Variants in CSMD1 observed in about 807,000 individuals in gnomAD.
CSMD1 encodes the protein CUB and Sushi multiple domains 1, also known as CUB and sushi domain-containing protein 1.
A neutral mutation model predicts 417.5 loss-of-function variants in CSMD1; 213 were observed. That is an observed-to-expected ratio of 0.51 (90% CI 0.46 to 0.57). The LOEUF is 0.57. CSMD1 is among the 20% of genes least tolerant of loss of function. The probability of loss-of-function intolerance (pLI) is 0.00; values close to 1 mark genes in which losing one functional copy is unlikely to be tolerated. For synonymous variants in CSMD1, 2,862 were observed against 1,736.8 expected, an observed-to-expected ratio of 1.65 and a Z score of -16.11; for missense variants, 6,923 against 4,529.7, an observed-to-expected ratio of 1.53 and a Z score of -15.17.
intron 11 of CSMD1, among the ~76,000 whole-genome samples, chr8:3,485,431 T>A (rs1223706638): frequency 6.6e-6 from 1 of 151,932 alleles, no homozygotes; most frequent in Non-Finnish European, 1.5e-5. Flanking sequence ...AAGGAAAATA[T>A]GAGGGAACTT....
At chr8:3,337,550 G>A (rs570524021) in intron 23 of CSMD1, among the ~76,000 whole-genome samples, 34 of 152,236 alleles carry the variant, frequency 2.2e-4, no homozygotes, top group African/African-American at 7.5e-4. Flanking sequence ...CTCGGTAAGC[G>A]ATGGCCACTC....
intron 7 of CSMD1, among the ~76,000 whole-genome samples, chr8:3,706,492 C>G (rs1291183029): frequency 6.6e-6 from 1 of 152,138 alleles, no homozygotes. Context: ...CCATGCTTGA[C>G]AAATACTTTA....
chr8:4,519,907 T>A (rs997662995), intron 2 of CSMD1, among the ~76,000 whole-genome samples: 1 of 148,464 alleles, frequency 6.7e-6, no homozygotes, highest in African/African-American at 2.5e-5. Context: ...TAATGTATTC[T>A]CTTACATTAT....
chr8:4,931,948 G>T (rs576845805), intron 1 of CSMD1, among the ~76,000 whole-genome samples: 42 of 151,932 alleles, frequency 2.8e-4, no homozygotes, highest in Non-Finnish European at 5.6e-4. Context: ...AAATTCTTGT[G>T]TAACATGTAT....
At chr8:4,782,472 AG>A (rs1302294158) in intron 1 of CSMD1, among the ~76,000 whole-genome samples, 1 of 152,230 alleles carries the variant, frequency 6.6e-6, no homozygotes, top group African/African-American at 2.4e-5. Context: ...TTAGATTTAA[AG>A]AAATCTTATT....
chr8:4,465,345 A>T (rs1232514234), intron 2 of CSMD1, among the ~76,000 whole-genome samples: 1 of 152,146 alleles, frequency 6.6e-6, no homozygotes, highest in East Asian at 1.9e-4. Context: ...CAAAAAGTGT[A>T]CATCAGTACA....
At chr8:4,570,449 G>A (rs375664789) in intron 2 of CSMD1, among the ~76,000 whole-genome samples, 12 of 152,292 alleles carry the variant, frequency 7.9e-5, no homozygotes, top group South Asian at 6.2e-4. Flanking sequence ...ATTGATTTGT[G>A]TATTTTGAGC....
chr8:3,097,819 C>A (rs13253818), intron 46 of CSMD1, among the ~76,000 whole-genome samples: 1 of 152,008 alleles, frequency 6.6e-6, no homozygotes, highest in Non-Finnish European at 1.5e-5. Context: ...TGTGATTGCT[C>A]GGGACCCTGG....
At chr8:4,738,020 G>C (rs1186633090) in intron 1 of CSMD1, among the ~76,000 whole-genome samples, 4 of 152,164 alleles carry the variant, frequency 2.6e-5, no homozygotes, top group Non-Finnish European at 5.9e-5. Flanking sequence ...ATGTAACTTG[G>C]AGAATGAGAG....
chr8:4,745,629 G>C (rs777170019), intron 1 of CSMD1, among the ~76,000 whole-genome samples: 25 of 152,300 alleles, frequency 1.6e-4, no homozygotes, highest in Admixed American at 7.2e-4. Context: ...AATGTAGAGA[G>C]AGAGTAGAGA....
intron 39 of CSMD1, among the ~76,000 whole-genome samples, chr8:3,153,238 C>T (rs567110391): frequency 6.6e-6 from 1 of 152,342 alleles, no homozygotes; most frequent in Non-Finnish European, 1.5e-5. Flanking sequence ...ACGGCAACGT[C>T]AGGAACTTAC....
At chr8:4,396,651 A>ATGTGTGTGTGTGTGTGTGTG (rs1563130031) in intron 3 of CSMD1, among the ~76,000 whole-genome samples, 1 of 151,870 alleles carries the variant, frequency 6.6e-6, no homozygotes, top group African/African-American at 2.4e-5. Flanking sequence ...ATAAATATCT[A>ATGTGTGTGTGTGTGTGTGTG]TATATCTCCC....
At chr8:4,716,217 A>G (rs563062962) in intron 1 of CSMD1, among the ~76,000 whole-genome samples, 89 of 152,264 alleles carry the variant, frequency 5.8e-4, no homozygotes, top group Admixed American at 9.8e-4. Flanking sequence ...TCATCTAGAG[A>G]ACAGAAGGCT....
chr8:4,260,515 C>G (rs928767690), intron 3 of CSMD1, among the ~76,000 whole-genome samples: 1 of 152,132 alleles, frequency 6.6e-6, no homozygotes, highest in East Asian at 1.9e-4. Context: ...TTAAAGAACA[C>G]TAGTCAAATG....
chr8:4,922,165 G>A (rs1563773254), intron 1 of CSMD1, among the ~76,000 whole-genome samples: 1 of 152,190 alleles, frequency 6.6e-6, no homozygotes, highest in East Asian at 1.9e-4. Flanking sequence ...AATTCTAGAA[G>A]GGGTGAAGTA....
At chr8:4,065,067 A>T (rs1399945818) in intron 3 of CSMD1, among the ~76,000 whole-genome samples, 3 of 152,240 alleles carry the variant, frequency 2.0e-5, no homozygotes, top group Admixed American at 6.5e-5. Context: ...TACTGATTAT[A>T]ATTTTACCGA....
chr8:3,903,017 G>C (rs2954628), intron 5 of CSMD1, among the ~76,000 whole-genome samples: 1 of 151,916 alleles, frequency 6.6e-6, no homozygotes, highest in Non-Finnish European at 1.5e-5. Flanking sequence ...ATGAATGCAC[G>C]TTTCTGTGTT....
chr8:3,040,792 G>A (rs1055210625), intron 50 of CSMD1, among the ~76,000 whole-genome samples: 2 of 151,712 alleles, frequency 1.3e-5, no homozygotes, highest in African/African-American at 4.9e-5. Context: ...GGCAGAGTGA[G>A]ACTCCAGCTC....
Position 2,999,991 on chromosome 8 carries a change from G to T in CSMD1, c.8170C>A (p.His2724Asn), listed in dbSNP as rs756108652. Residue 2724 changes from histidine to asparagine, a missense_variant, in exon 53 of 70, where the codon CAC (histidine) becomes AAC (asparagine). Physicochemically the swap from His to Asn is moderately conservative, Grantham distance 68 (BLOSUM62 1). Coordinates refer to ENST00000635120, the MANE Select transcript of CSMD1 (RefSeq NM_033225.6). ...GTSVRICLQD[H>N]KWSGQTPVCV... ...ACAGGCGTTTGTCCAGACCACTTGTGGTCTTGCAGGCATATCCTCACGGAA... is the reference window on the plus strand; with the variant it reads ...ACAGGCGTTTGTCCAGACCACTTGTTGTCTTGCAGGCATATCCTCACGGAA... The T allele has an allele frequency of 9.9e-6, 16 of 1,609,022 alleles. No homozygotes were observed. The South Asian group carries it at 1.8e-4, about 18-fold the overall frequency.
Sources: gnomAD v4.1 joint callset for allele counts (sites outside exome capture counted in the v4.1 genomes callset) on GRCh38, gnomAD v4.1.1 for gene constraint, MANE v1.5 for transcripts, NCBI Gene and HGNC (gene_info 2026-07-23, HGNC 2026-07-21) for gene names.